The following ADGRA2 variants were observed in gnomAD, a reference collection of about 807,000 sequenced individuals.
ADGRA2 encodes adhesion G protein-coupled receptor A2.
ADGRA2 carries 61 observed loss-of-function variants against 98.7 expected under a neutral mutation model. That is an observed-to-expected ratio of 0.62 (90% CI 0.50 to 0.76). ADGRA2 has a LOEUF of 0.76. ADGRA2 is among the 30% of genes least tolerant of loss of function. ADGRA2 has a pLI of 0.00. For synonymous variants in ADGRA2, 858 were observed against 831.5 expected (o/e 1.03, Z -0.55); for missense variants, 1,712 against 1,860.0 (o/e 0.92, Z 1.46).
At chr8:37,836,097 ACC>A (rs1554526532) in intron 13 of ADGRA2, among the ~76,000 whole-genome samples, 2 of 108,742 alleles carry the variant, frequency 1.8e-5, no homozygotes, top group Non-Finnish European at 3.9e-5. Flanking sequence ...ACACACACAC[ACC>A]CCACAGGCCC....
rs557062768 is a variant in ADGRA2, at chr8:37,843,113, G to A, written c.*758G>A. Reference sequence around the variant, plus strand: ...AGCTGACTGCCAGGTGCCTGTGGGTGAACTGAGGGGAGTAGAGGGAGAGGG... The same window carrying A: ...AGCTGACTGCCAGGTGCCTGTGGGTAAACTGAGGGGAGTAGAGGGAGAGGG... On this transcript the variant is annotated 3_prime_UTR_variant, in exon 19 of 19. Coordinates refer to ENST00000412232, the MANE Select transcript of ADGRA2 (RefSeq NM_032777.10). The A allele has an allele frequency of 1.7e-4, 26 of 152,588 alleles. No individual in the cohort carries two copies. The highest frequency in any genetic ancestry group is 5.1e-4 in the African/African-American group (21 of 41,580). 9.5% of individuals were successfully genotyped at this position (152,588 alleles called of 1,614,324 possible).
intron 1 of ADGRA2, among the ~76,000 whole-genome samples, chr8:37,806,501 C>CTTTTTCT (rs1490945770): frequency 0.01 from 1,232 of 118,444 alleles, 54 homozygotes; most frequent in African/African-American, 0.045. Context: ...TTTTCTTTTT[C>CTTTTTCT]TTTTTCTTTT....
At chr8:37,807,864 AG>A (rs1487236045) in intron 1 of ADGRA2, among the ~76,000 whole-genome samples, 1 of 152,180 alleles carries the variant, frequency 6.6e-6, no homozygotes, top group Non-Finnish European at 1.5e-5. Context: ...AGTGGTTGGC[AG>A]GGGGCTGACA....
At chr8:37,799,009 T>A (rs2129879356) in intron 1 of ADGRA2, among the ~76,000 whole-genome samples, 1 of 152,320 alleles carries the variant, frequency 6.6e-6, no homozygotes, top group African/African-American at 2.4e-5. Flanking sequence ...CCCAGCTCAC[T>A]TAGTTCTGGA....
chr8:37,842,613 A>G lies in ADGRA2; in HGVS notation c.*258A>G. Reference sequence around the variant, plus strand: ...GTCGGTGCCCTCCCAGGAACGGGGAAGGCCTCCGTCTGTGTGAAAGGGCAC... The same window carrying G: ...GTCGGTGCCCTCCCAGGAACGGGGAGGGCCTCCGTCTGTGTGAAAGGGCAC... On this transcript the variant is annotated 3_prime_UTR_variant, in exon 19 of 19. Transcript: ENST00000412232. 3 of 480,616 alleles carry G rather than the reference A, an allele frequency of 6.2e-6. No individual in the cohort carries two copies. Among genetic ancestry groups the G allele is most frequent in the Non-Finnish European group, 1.0e-5 (3 of 296,788 alleles). The allele number at this position is 480,616 out of a possible 1,614,324, so 29.8% of individuals were successfully genotyped here. A position where few individuals can be genotyped will look rare whatever the true frequency, so the allele number is the denominator to read the frequency against.
chr8:37,830,628 C>CCCAACA lies in ADGRA2; in HGVS notation c.719-81_719-80insCAACAC. The stretch of plus-strand genomic sequence containing the variant: ...GCCGAGGGCCCCGCCCCGCCCCACC[C>CCCAACA]CATCCTGCTGGACTCTCGCTCACAC... On this transcript the variant is annotated intron_variant, in intron 6 of 18. Transcript: ENST00000412232. This position sits in a 1 kb window ranked among gnomAD's most constrained non-coding sequence, Gnocchi z 4.8. 4.2e-6 allele frequency: 3 copies of CCCAACA among 711,452 alleles called. No homozygotes were observed. The highest frequency in any genetic ancestry group is 4.9e-6 in the Non-Finnish European group (2 of 411,722). The allele number at this position is 711,452 out of a possible 1,614,324, so 44.1% of individuals were successfully genotyped here. A position where few individuals can be genotyped will look rare whatever the true frequency, so the allele number is the denominator to read the frequency against.
intron 2 of ADGRA2, 49 bp from the exon 3 acceptor site, chr8:37,828,839 G>A (rs375749275): frequency 6.8e-7 from 1 of 1,474,850 alleles, no homozygotes; most frequent in Non-Finnish European, 9.3e-7. Flanking sequence ...GGGGAGCAGG[G>A]CGGCTCCAGC....
intron 1 of ADGRA2, among the ~76,000 whole-genome samples, chr8:37,805,355 A>C (rs1162466972): frequency 6.6e-6 from 1 of 152,176 alleles, no homozygotes; most frequent in Non-Finnish European, 1.5e-5. Context: ...TAGCAAATAT[A>C]GCTTCTATGG....
chr8:37,830,155 G>T lies in ADGRA2; in HGVS notation c.718+141G>T. The T allele has an allele frequency of 1.8e-6, 1 of 550,298 alleles. No individual in the cohort carries two copies. Among genetic ancestry groups the T allele is most frequent in the Non-Finnish European group, 3.2e-6 (1 of 315,730 alleles). 34.1% of individuals were successfully genotyped at this position (550,298 alleles called of 1,614,324 possible). Reference sequence around the variant, plus strand: ...GCAAAAGACCACGACACTGAGTCCTGCTCTTGCATTTAGGGAGACCTTATC... The same window carrying T: ...GCAAAAGACCACGACACTGAGTCCTTCTCTTGCATTTAGGGAGACCTTATC... On this transcript the variant is annotated intron_variant, in intron 6 of 18. Transcript: ENST00000412232. This position sits in a 1 kb window ranked among gnomAD's most constrained non-coding sequence, Gnocchi z 4.8.
At chr8:37,816,863 C>T (rs1804994490) in intron 2 of ADGRA2, among the ~76,000 whole-genome samples, 4 of 149,980 alleles carry the variant, frequency 2.7e-5, no homozygotes, top group Admixed American at 2.0e-4. Flanking sequence ...CTGCAGTGAG[C>T]TGAGATTGCA....
intron 1 of ADGRA2, among the ~76,000 whole-genome samples, chr8:37,811,515 T>C (rs1585972482): frequency 1.5e-5 from 2 of 137,382 alleles, no homozygotes; most frequent in Non-Finnish European, 1.6e-5. Context: ...TTTCTCTTGT[T>C]GCCCAGGCTG....
chr8:37,820,926 G>A (rs1029062549), intron 2 of ADGRA2, among the ~76,000 whole-genome samples: 4 of 151,876 alleles, frequency 2.6e-5, no homozygotes, highest in Admixed American at 1.3e-4. Flanking sequence ...AGAGGTTGGG[G>A]GTAGGGGTGG....
intron 13 of ADGRA2, among the ~76,000 whole-genome samples, chr8:37,837,025 G>A (rs2130043466): frequency 6.6e-6 from 1 of 152,336 alleles, no homozygotes; most frequent in African/African-American, 2.4e-5. Context: ...GACAGGCAGT[G>A]GACAAGTCGT....
rs1253494223 is a variant in ADGRA2 at position 37,834,159 on chromosome 8, G to T, written c.1608+31G>T. On this transcript the variant is annotated intron_variant, in intron 11 of 18. Transcript: ENST00000412232. This position sits in a 1 kb window ranked among gnomAD's most constrained non-coding sequence, Gnocchi z 4.2. ...GGGGGTCAGCAGAGGGGGTGGCCCT[G>T]GCATGCAGAGGAGGGAGGCGCTCCC... 1.3e-6 allele frequency: 2 copies of T among 1,580,382 alleles called. No individual in the cohort carries two copies. Among genetic ancestry groups the T allele is most frequent in the Non-Finnish European group, 8.6e-7 (1 of 1,160,592 alleles).
In ADGRA2 at chr8:37,797,667, GC is replaced by G; in HGVS notation, c.266+138del. The stretch of plus-strand genomic sequence containing the variant: ...GATTTCTGGACAGGCCTGGGTTCAG[GC>G]CCCCAGAGGGGAAGATTGGAGGAGC... On this transcript the variant is annotated intron_variant, in intron 1 of 18. Transcript: ENST00000412232. The surrounding 1 kb of genome is among the most constrained non-coding windows in gnomAD (Gnocchi z 5.3). 2 of 880,386 alleles carry G rather than the reference GC, an allele frequency of 2.3e-6. No individual in the cohort carries two copies. Among genetic ancestry groups the G allele is most frequent in the Non-Finnish European group, 3.1e-6 (2 of 655,114 alleles). 54.5% of individuals were successfully genotyped at this position (880,386 alleles called of 1,614,324 possible). A position where few individuals can be genotyped will look rare whatever the true frequency, so the allele number is the denominator to read the frequency against.
rs539744840 is a variant in ADGRA2 at position 37,833,613 on chromosome 8, G to A, written c.1297-75G>A. The A allele has an allele frequency of 1.0e-4, 156 of 1,499,672 alleles. No individual in the cohort carries two copies. The African/African-American group carries it at 1.9e-3, about 19-fold the overall frequency. The allele number at this position is 1,499,672 out of a possible 1,614,324, so 92.9% of individuals were successfully genotyped here. On this transcript the variant is annotated intron_variant, in intron 9 of 18. Transcript: ENST00000412232. ...CCCAGGCACTGAGCACTGGCACAGA[G>A]CAGAGGGTCCCCAGGGGCAGTTCGG... is the stretch of plus-strand genomic sequence containing the variant.
chr8:37,805,802 G>T (rs1312814251), intron 1 of ADGRA2, among the ~76,000 whole-genome samples: 1 of 152,032 alleles, frequency 6.6e-6, no homozygotes, highest in Non-Finnish European at 1.5e-5. Flanking sequence ...CCGGGAGGTG[G>T]AGGTTGCAGT....
Position 37,831,435 on chromosome 8 carries a change from G to T in ADGRA2, c.945G>T (p.Leu315=). ...DCTFITSELT[L]SHIGVWASGE... is the part of the protein sequence containing the mutation. ...CTGCCACCCGCAGTGAGCTGACGCT[G>T]TCTCACATCGGCGTGTGGGCCTCAG... Residue 315 remains leucine, a synonymous_variant, in exon 8 of 19, where the codon CTG becomes CTT. Coordinates refer to ENST00000412232, the MANE Select transcript of ADGRA2 (RefSeq NM_032777.10). 6.2e-7 allele frequency: 1 copy of T among 1,611,586 alleles called. No individual in the cohort carries two copies.
At position 37,831,525 on chromosome 8, in the gene ADGRA2, G is replaced by A. The variant is rs1805454503; in HGVS notation, c.1035G>A (p.Val345=). 18 of 1,613,876 alleles carry A rather than the reference G, an allele frequency of 1.1e-5. No homozygotes were observed. The East Asian group carries it at 4.0e-4, about 36-fold the overall frequency. Residue 345 remains valine (V), a synonymous_variant, in exon 8 of 19, where the codon GTG becomes GTA. Transcript: ENST00000412232. ...CCAGCAAGAAGGTGGAGATCGTGGT[G>A]CTGGAGACCTCTGCCTCCTACTGCC... is the stretch of plus-strand genomic sequence containing the variant. ...GNASKKVEIV[V]LETSASYCPA...
Sources: allele counts gnomAD v4.1 joint callset (sites outside exome capture counted in the v4.1 genomes callset), GRCh38; gene constraint gnomAD v4.1.1; non-coding constraint Gnocchi (gnomAD v3.1); transcripts MANE v1.5; gene names NCBI Gene and HGNC (gene_info 2026-07-23, HGNC 2026-07-21).